The following SUSD6 variants were observed in gnomAD, a reference collection of about 807,000 sequenced individuals.
The protein encoded by SUSD6 is sushi domain-containing protein 6.
In SUSD6, 16 loss-of-function variants were observed where a neutral mutation model predicts 28.4. The observed-to-expected ratio is 0.56, with a 90% CI of 0.38 to 0.86. The LOEUF (loss-of-function observed/expected upper bound fraction) is 0.86. SUSD6 is among the 40% of genes least tolerant of loss of function. The pLI, the probability that SUSD6 is intolerant of heterozygous loss-of-function variation, is 0.00. For synonymous variants in SUSD6, 147 were observed against 159.6 expected (o/e 0.92, Z 0.59); for missense variants, 341 against 384.2 (o/e 0.89, Z 0.94).
At chr14:69,639,378 G>C (rs1885316259) in intron 1 of SUSD6, among the ~76,000 whole-genome samples, 1 of 141,602 alleles carries the variant, frequency 7.1e-6, no homozygotes, top group Non-Finnish European at 1.5e-5. Flanking sequence ...CAGAAGTTTA[G>C]AGCTGAAAGA....
intron 1 of SUSD6, among the ~76,000 whole-genome samples, chr14:69,626,680 T>C (rs1885118567): frequency 6.6e-6 from 1 of 152,034 alleles, no homozygotes; most frequent in Admixed American, 6.6e-5. Context: ...ACCAACTAAG[T>C]CACCAGACTT....
intron 2 of SUSD6, among the ~76,000 whole-genome samples, chr14:69,681,557 G>A (rs994885914): frequency 5.9e-5 from 9 of 152,318 alleles, no homozygotes; most frequent in Admixed American, 2.6e-4. Flanking sequence ...GGACGGCCCC[G>A]TAGGGGGATC....
intron 2 of SUSD6, among the ~76,000 whole-genome samples, chr14:69,690,560 A>G (rs1594719236): frequency 2.0e-5 from 3 of 152,338 alleles, no homozygotes; most frequent in Admixed American, 2.0e-4. Context: ...GCAAAAGTTC[A>G]AAGTAGTGAA....
Position 69,698,307 on chromosome 14 carries a change from CAG to C in SUSD6, c.122-5087_122-5086del, listed in dbSNP as rs984769400. Among the ~76,000 whole-genome samples, 7 of 152,314 alleles carry C rather than the reference CAG, an allele frequency of 4.6e-5. No individual in the cohort carries two copies. The East Asian group carries it at 9.7e-4, about 21-fold the overall frequency. On this transcript the variant is annotated intron_variant, in intron 2 of 5. Transcript: ENST00000342745. ...TGCCACTGCACTCCAGCCTGGGTGACAGGGGACAGGGCGAGACTCATCACAAA... is the reference window on the plus strand; with the variant it reads ...TGCCACTGCACTCCAGCCTGGGTGACGGGACAGGGCGAGACTCATCACAAA...
Position 69,711,600 on chromosome 14 carries a change from T to C in SUSD6, c.*621T>C, listed in dbSNP as rs1258649226. 1 of 152,428 alleles carries C rather than the reference T, an allele frequency of 6.6e-6. No individual in the cohort carries two copies. Among genetic ancestry groups the C allele is most frequent in the East Asian group, 1.9e-4 (1 of 5,196 alleles). 9.4% of individuals were successfully genotyped at this position (152,428 alleles called of 1,614,324 possible). A position where few individuals can be genotyped will look rare whatever the true frequency, so the allele number is the denominator to read the frequency against. ...CCCTGGGCTTGCCCTGGGTTGACCC[T>C]GGTGGCATATTTCCTTGGCTGAGGA... On this transcript the variant is annotated 3_prime_UTR_variant, in exon 6 of 6. Coordinates refer to ENST00000342745, the MANE Select transcript of SUSD6 (RefSeq NM_014734.4).
intron 1 of SUSD6, among the ~76,000 whole-genome samples, chr14:69,651,626 T>C (rs374395934): frequency 2.0e-5 from 3 of 152,198 alleles, no homozygotes; most frequent in Non-Finnish European, 2.9e-5. Flanking sequence ...GGGGAAGATA[T>C]AGAAGTTAGT....
intron 2 of SUSD6, among the ~76,000 whole-genome samples, chr14:69,680,202 C>G (rs1885977870): frequency 6.6e-6 from 1 of 152,156 alleles, no homozygotes; most frequent in Admixed American, 6.5e-5. Flanking sequence ...CAAAATCCCT[C>G]TCTGCAGCCC....
chr14:69,631,047 C>T (rs2139597021), intron 1 of SUSD6, among the ~76,000 whole-genome samples: 1 of 152,370 alleles, frequency 6.6e-6, no homozygotes, highest in South Asian at 2.1e-4. Flanking sequence ...TAACCATCAT[C>T]TAGTGACCTG....
Position 69,653,888 on chromosome 14 carries a change from G to C in SUSD6, c.-80-4625G>C, listed in dbSNP as rs548907248. Reference sequence around the variant, plus strand: ...TGTGGCCCTTTCTCCACAGTAGCTGGGTTCTCCCATTCTGGGCAATACTTT... The same window carrying C: ...TGTGGCCCTTTCTCCACAGTAGCTGCGTTCTCCCATTCTGGGCAATACTTT... On this transcript the variant is annotated intron_variant, in intron 1 of 5. Coordinates refer to ENST00000342745, the MANE Select transcript of SUSD6 (RefSeq NM_014734.4). Among the ~76,000 whole-genome samples the C allele has an allele frequency of 9.2e-5, 14 of 151,768 alleles. No homozygotes were observed. In the South Asian group the frequency reaches 2.9e-3, roughly 32 times the overall value.
intron 2 of SUSD6, among the ~76,000 whole-genome samples, chr14:69,700,044 C>T (rs145118144): frequency 2.1e-4 from 32 of 152,220 alleles, no homozygotes; most frequent in Admixed American, 1.8e-3. Flanking sequence ...TTACTGTACA[C>T]GTGGTGACAA....
intron 4 of SUSD6, among the ~76,000 whole-genome samples, chr14:69,707,483 C>G (rs1886402351): frequency 6.6e-6 from 1 of 152,182 alleles, no homozygotes; most frequent in South Asian, 2.1e-4. Context: ...CAAAACTGTC[C>G]AGGCACAGTG....
At chr14:69,649,132 A>G (rs1003107584) in intron 1 of SUSD6, among the ~76,000 whole-genome samples, 4 of 152,216 alleles carry the variant, frequency 2.6e-5, no homozygotes, top group Non-Finnish European at 5.9e-5. Flanking sequence ...ACAATTTGAC[A>G]GTGTTATATA....
chr14:69,622,479 T>C (rs1885055574), intron 1 of SUSD6, among the ~76,000 whole-genome samples: 1 of 152,326 alleles, frequency 6.6e-6, no homozygotes, highest in East Asian at 1.9e-4. Context: ...GTGTTTTGGT[T>C]AGTCTCTTCT....
At chr14:69,618,003 TG>T (rs1433949136) in intron 1 of SUSD6, among the ~76,000 whole-genome samples, 1 of 152,196 alleles carries the variant, frequency 6.6e-6, no homozygotes, top group Admixed American at 6.5e-5. Flanking sequence ...AAGGAGCAGA[TG>T]GTGCTGCTTG....
chr14:69,682,595 G>A (rs1223599824), intron 2 of SUSD6, among the ~76,000 whole-genome samples: 1 of 152,088 alleles, frequency 6.6e-6, no homozygotes, highest in African/African-American at 2.4e-5. Context: ...ATCCACTGAA[G>A]GAGTCACTGT....
chr14:69,704,441 G>C (rs1163133469), intron 3 of SUSD6, among the ~76,000 whole-genome samples, 163 bp from the exon 4 acceptor site: 3 of 152,168 alleles, frequency 2.0e-5, no homozygotes, highest in Non-Finnish European at 4.4e-5. Flanking sequence ...AAAGAACTGT[G>C]TATACATAGG....
At chr14:69,644,850 G>A (rs1017500123) in intron 1 of SUSD6, among the ~76,000 whole-genome samples, 1 of 152,128 alleles carries the variant, frequency 6.6e-6, no homozygotes, top group Admixed American at 6.6e-5. Context: ...CACATGCAGG[G>A]AACTGGAAGT....
intron 2 of SUSD6, among the ~76,000 whole-genome samples, chr14:69,686,926 T>C (rs1471690770): frequency 6.6e-6 from 1 of 152,236 alleles, no homozygotes; most frequent in Non-Finnish European, 1.5e-5. Context: ...CTCATTTATA[T>C]GCTAATTTCT....
chr14:69,684,885 C>T (rs939762961), intron 2 of SUSD6, among the ~76,000 whole-genome samples: 7 of 152,248 alleles, frequency 4.6e-5, no homozygotes, highest in South Asian at 2.1e-4. Flanking sequence ...AAGACCAGCA[C>T]TTTCTTTCCC....
Sources: allele counts gnomAD v4.1 joint callset (sites outside exome capture counted in the v4.1 genomes callset), GRCh38; gene constraint gnomAD v4.1.1; transcripts MANE v1.5; gene names NCBI Gene and HGNC (gene_info 2026-07-23, HGNC 2026-07-21).